The following IL1RAPL2 variants were observed in gnomAD, a reference collection of about 807,000 sequenced individuals.
The protein encoded by IL1RAPL2 is interleukin 1 receptor accessory protein like 2, also known as X-linked interleukin-1 receptor accessory protein-like 2.
Under a neutral mutation model 44.1 loss-of-function variants are expected in IL1RAPL2, and 3 were observed. The ratio of observed to expected loss-of-function variants is 0.07; its 90% confidence interval spans 0.03 to 0.18. IL1RAPL2 has a LOEUF of 0.18. Ranked by LOEUF, IL1RAPL2 falls within the 10% of genes least tolerant of loss-of-function variation. IL1RAPL2 has a pLI of 1.00. For synonymous variants in IL1RAPL2, 181 were observed against 178.8 expected (o/e 1.01, Z -0.10); for missense variants, 391 against 496.4 (o/e 0.79, Z 2.02).
intron 5 of IL1RAPL2, among the ~76,000 whole-genome samples, chrX:105,269,760 G>C (rs1427510840): frequency 9.0e-6 from 1 of 111,631 alleles, no homozygotes; most frequent in Non-Finnish European, 1.9e-5. Context: ...CTTATGAGAG[G>C]CTTGCAGAGC....
intron 2 of IL1RAPL2, among the ~76,000 whole-genome samples, chrX:104,734,011 T>C (rs1210212046): frequency 8.9e-6 from 1 of 112,029 alleles, no homozygotes; most frequent in Non-Finnish European, 1.9e-5. Flanking sequence ...AGTAGACTTA[T>C]AGTTGGCAAA....
At chrX:105,616,755 T>C (rs1337158040) in intron 6 of IL1RAPL2, among the ~76,000 whole-genome samples, 1 of 111,530 alleles carries the variant, frequency 9.0e-6, no homozygotes, top group Non-Finnish European at 1.9e-5. Flanking sequence ...ATATTGTCTT[T>C]TGAATAATAG....
chrX:105,487,608 T>C (rs1429971598), intron 6 of IL1RAPL2, among the ~76,000 whole-genome samples: 1 of 112,024 alleles, frequency 8.9e-6, no homozygotes, highest in Non-Finnish European at 1.9e-5. Flanking sequence ...TCAAACCAGA[T>C]CTTTGGTGTT....
chrX:104,578,873 CATAAT>C (rs1423839115), intron 1 of IL1RAPL2, among the ~76,000 whole-genome samples: 2 of 111,294 alleles, frequency 1.8e-5, no homozygotes, highest in African/African-American at 3.3e-5. Context: ...GAAATGAAAT[CATAAT>C]ATACTATTTG....
chrX:105,750,127 GA>G (rs2038583374), intron 9 of IL1RAPL2, among the ~76,000 whole-genome samples: 1 of 110,426 alleles, frequency 9.1e-6, no homozygotes, highest in Non-Finnish European at 1.9e-5. Context: ...AATTTTTGAG[GA>G]ATCTGATTTT....
chrX:105,655,439 G>C (rs183403114), intron 6 of IL1RAPL2, among the ~76,000 whole-genome samples: 50 of 112,496 alleles, frequency 4.4e-4, no homozygotes, highest in African/African-American at 1.4e-3. Flanking sequence ...ATTATTTAGT[G>C]ACTTTTGGCT....
rs184879639 is a variant in IL1RAPL2, at chrX:104,895,416, G to A, written c.82+236421G>A. 6.3e-3 allele frequency among the ~76,000 whole-genome samples: 705 copies of A among 112,711 alleles called. 3 individuals are homozygous for A. The highest frequency in any genetic ancestry group is 0.022 in the African/African-American group (671 of 31,045). On this transcript the variant is annotated intron_variant, in intron 2 of 10. Transcript: ENST00000372582. ...TACAGAGGCAGGCAGGACTCCTTTA[G>A]CTGTGGTGGGCTCCACCCAGTTCAA...
chrX:105,543,414 T>C (rs990813910), intron 6 of IL1RAPL2, among the ~76,000 whole-genome samples: 2 of 112,625 alleles, frequency 1.8e-5, no homozygotes, highest in Non-Finnish European at 3.7e-5. Context: ...TGCTTGTTTT[T>C]CCCTATACCT....
At chrX:105,217,997 C>G (rs1415579732) in intron 3 of IL1RAPL2, among the ~76,000 whole-genome samples, 1 of 110,429 alleles carries the variant, frequency 9.1e-6, no homozygotes, top group Admixed American at 9.6e-5. Flanking sequence ...CTAACACATG[C>G]GGAGCTTAAA....
chrX:104,776,999 A>G (rs1486140325), intron 2 of IL1RAPL2, among the ~76,000 whole-genome samples: 5 of 111,303 alleles, frequency 4.5e-5, no homozygotes, highest in African/African-American at 1.3e-4. Context: ...GACTTCTCAG[A>G]CTTTTCTTAT....
chrX:104,677,073 A>C (rs1167437508), intron 2 of IL1RAPL2, among the ~76,000 whole-genome samples: 2 of 111,658 alleles, frequency 1.8e-5, no homozygotes, highest in African/African-American at 6.5e-5. Flanking sequence ...AAATTTGATC[A>C]TCTGAAGCCT....
At chrX:105,346,164 C>A (rs1380568636) in intron 5 of IL1RAPL2, among the ~76,000 whole-genome samples, 1 of 111,862 alleles carries the variant, frequency 8.9e-6, no homozygotes, top group Non-Finnish European at 1.9e-5. Context: ...TTTGAATGGG[C>A]TGTCTCTCAC....
rs377552534 is a variant in IL1RAPL2 at position 104,983,437 on chromosome X, A to ATATATTAGATACATAATATTATATAATAT, written c.83-212036_83-212035insTATTAGATACATAATATTATATAATATTA. On this transcript the variant is annotated intron_variant, in intron 2 of 10. Coordinates refer to ENST00000372582, the MANE Select transcript of IL1RAPL2 (RefSeq NM_017416.2). ...TATAATATTAGATACATAATATATA[A>ATATATTAGATACATAATATTATATAATAT]TAGATACATAATATTATATAATATT... Among the ~76,000 whole-genome samples, 43 of 88,831 alleles carry ATATATTAGATACATAATATTATATAATAT rather than the reference A, an allele frequency of 4.8e-4. 3 individuals are homozygous for ATATATTAGATACATAATATTATATAATAT. The highest frequency in any genetic ancestry group is 1.6e-3 in the African/African-American group (40 of 24,427). 77.1% of individuals were successfully genotyped at this position (88,831 alleles called of 115,157 possible).
intron 5 of IL1RAPL2, among the ~76,000 whole-genome samples, chrX:105,379,459 A>C (rs918293272): frequency 4.5e-5 from 5 of 111,928 alleles, no homozygotes; most frequent in African/African-American, 1.6e-4. Context: ...AAAGAGATGA[A>C]CATGAAACAT....
rs1053356603 is a variant in IL1RAPL2 at position 105,416,561 on chromosome X, T to C, written c.698-67752T>C. On this transcript the variant is annotated intron_variant, in intron 5 of 10. Transcript: ENST00000372582. ...AATGAAAAGTAATGCATGTAAAGTA[T>C]TTTGGCATAATCTTGGCAATAAATG... 2.4e-4 allele frequency among the ~76,000 whole-genome samples: 27 copies of C among 112,573 alleles called. No individual in the cohort carries two copies. In the East Asian group the frequency reaches 2.8e-3, roughly 12 times the overall value.
intron 5 of IL1RAPL2, among the ~76,000 whole-genome samples, chrX:105,334,386 C>G (rs1321559660): frequency 1.2e-5 from 1 of 83,824 alleles, no homozygotes; most frequent in Non-Finnish European, 2.6e-5. Flanking sequence ...GGTGTGGAGG[C>G]AGGGATGGTT....
chrX:105,122,379 A>G (rs147296435), intron 2 of IL1RAPL2, among the ~76,000 whole-genome samples: 1,299 of 111,874 alleles, frequency 0.012, 25 homozygotes, highest in African/African-American at 0.04. Flanking sequence ...TATACTTGCA[A>G]TACAACAGAG....
chrX:104,744,013 G>T (rs770849747), intron 2 of IL1RAPL2, among the ~76,000 whole-genome samples: 56 of 110,690 alleles, frequency 5.1e-4, no homozygotes, highest in African/African-American at 1.8e-3. Context: ...AAAGTGCGTG[G>T]TTCCTGGGTT....
intron 2 of IL1RAPL2, among the ~76,000 whole-genome samples, chrX:104,773,656 G>C (rs192077921): frequency 8.9e-6 from 1 of 111,838 alleles, no homozygotes; most frequent in African/African-American, 3.3e-5. Flanking sequence ...AAAGAAGTTC[G>C]TGCTGTTGTC....
Sources: gnomAD v4.1 joint callset for allele counts (sites outside exome capture counted in the v4.1 genomes callset) on GRCh38, gnomAD v4.1.1 for gene constraint, MANE v1.5 for transcripts, NCBI Gene and HGNC (gene_info 2026-07-23, HGNC 2026-07-21) for gene names.